HAUS6: variants seen among roughly 807,000 people sequenced by gnomAD.
HAUS6 encodes HAUS augmin-like complex subunit 6.
HAUS6 carries 80 observed loss-of-function variants against 106.8 expected under a neutral mutation model. That is an observed-to-expected ratio of 0.75 (90% CI 0.63 to 0.90). HAUS6 has a LOEUF of 0.90. Among genes scored for constraint, HAUS6 ranks in the 40% least tolerant of loss-of-function variants. The pLI, the probability that HAUS6 is intolerant of heterozygous loss-of-function variation, is 0.00. For synonymous variants in HAUS6, 356 were observed against 379.1 expected (o/e 0.94, Z 0.71); for missense variants, 1,155 against 1,118.1 (o/e 1.03, Z -0.47).
chr9:19,080,005 T>C (rs1177015616), intron 9 of HAUS6, among the ~76,000 whole-genome samples: 1 of 150,174 alleles, frequency 6.7e-6, no homozygotes, highest in Non-Finnish European at 1.5e-5. Flanking sequence ...AGAAAACCCA[T>C]CTCTACTAAA....
At chr9:19,082,822 A>G (rs750038920) in intron 8 of HAUS6, 51 bp downstream of exon 8, 27 of 906,752 alleles carry the variant, frequency 3.0e-5, no homozygotes, top group Non-Finnish European at 4.0e-5. Context: ...GAAAATATAC[A>G]ATTACATGAT....
chr9:19,087,199 ATTAATT>A (rs752428627), intron 5 of HAUS6, 43 bp from the exon 6 acceptor site: 16 of 1,009,138 alleles, frequency 1.6e-5, no homozygotes, highest in Non-Finnish European at 2.4e-5. Flanking sequence ...TACCATTACG[ATTAATT>A]AGTATAGCCC....
Position 19,096,720 on chromosome 9 carries a change from A to C in HAUS6, c.178T>G (p.Phe60Val). The C allele has an allele frequency of 3.2e-6, 5 of 1,567,776 alleles. No homozygotes were observed. Among genetic ancestry groups the C allele is most frequent in the Non-Finnish European group, 3.5e-6 (4 of 1,153,524 alleles). ...NRDAFHIISYFLFQVLDQSLT... is the reference protein window; with the variant it reads ...NRDAFHIISYVLFQVLDQSLT... ...GACTGGTCCAGAACTTGAAACAAAA[A>C]ATAAGAAATTATATGAAAGGCATCA... The change falls in exon 2 of 17, where the codon TTT becomes GTT. Residue 60 changes from phenylalanine to valine, a missense_variant. Around this residue, in one of 3 missense-constraint regions of HAUS6, gnomAD observed 761 missense variants for 690.0 expected, o/e 1.10. Coordinates refer to ENST00000380502, the MANE Select transcript of HAUS6 (RefSeq NM_017645.5).
chr9:19,093,513 A>G (rs898663139), intron 3 of HAUS6, among the ~76,000 whole-genome samples: 3 of 152,222 alleles, frequency 2.0e-5, no homozygotes, highest in Admixed American at 6.5e-5. Flanking sequence ...CAGAGTGCAA[A>G]GCAAAGTGGG....
intron 8 of HAUS6, 100 bp from the exon 9 acceptor site, chr9:19,080,772 AAAG>A (rs1476373402): frequency 2.8e-6 from 2 of 709,310 alleles, no homozygotes; most frequent in South Asian, 2.0e-5. Flanking sequence ...AGTTTACCTT[AAAG>A]AAGAGGGAAA....
intron 12 of HAUS6, 59 bp downstream of exon 12, chr9:19,070,160 A>AT (rs1836856154): frequency 3.0e-6 from 3 of 989,908 alleles, no homozygotes; most frequent in African/African-American, 1.6e-5. Flanking sequence ...TTCCATCTCT[A>AT]TTTTTTATAA....
At chr9:19,097,445 G>C (rs956680441) in intron 1 of HAUS6, among the ~76,000 whole-genome samples, 12 of 152,058 alleles carry the variant, frequency 7.9e-5, no homozygotes, top group African/African-American at 2.9e-4. Context: ...TGAAGGATAT[G>C]AACAGACACT....
chr9:19,083,669 G>A (rs1837215126), intron 7 of HAUS6, among the ~76,000 whole-genome samples: 1 of 151,832 alleles, frequency 6.6e-6, no homozygotes, highest in Admixed American at 6.6e-5. Flanking sequence ...AGGCGTGGTG[G>A]CAGGTGCCTG....
In HAUS6 at chr9:19,102,824, G is replaced by A. The variant is rs749938357; in HGVS notation, c.-173C>T. ...CGCCTCAAAGGGCCTCACAACCTCCGGGAAATTGAGTTTCTAACGGTATAG... is the reference window on the plus strand; with the variant it reads ...CGCCTCAAAGGGCCTCACAACCTCCAGGAAATTGAGTTTCTAACGGTATAG... On this transcript the variant is annotated 5_prime_UTR_variant, in exon 1 of 17. Coordinates refer to ENST00000380502, the MANE Select transcript of HAUS6 (RefSeq NM_017645.5). 92 of 594,382 alleles carry A rather than the reference G, an allele frequency of 1.5e-4. No individual in the cohort carries two copies. The highest frequency in any genetic ancestry group is 2.3e-4 in the Non-Finnish European group (80 of 346,746). 36.8% of individuals were successfully genotyped at this position (594,382 alleles called of 1,614,324 possible).
intron 8 of HAUS6, among the ~76,000 whole-genome samples, chr9:19,081,183 C>CTTGCTACATTTT (rs1023916073): frequency 6.6e-6 from 1 of 151,998 alleles, no homozygotes; most frequent in Non-Finnish European, 1.5e-5. Context: ...AGTAACATGC[C>CTTGCTACATTTT]TTGCTACATT....
chr9:19,082,728 G>A (rs1001164727), intron 8 of HAUS6, 145 bp downstream of exon 8: 2 of 477,626 alleles, frequency 4.2e-6, no homozygotes, highest in Non-Finnish European at 7.3e-6. Context: ...TCCAGCCTGG[G>A]CAATAAGAGC....
chr9:19,094,699 G>A (rs945852978), intron 2 of HAUS6, among the ~76,000 whole-genome samples: 7 of 152,028 alleles, frequency 4.6e-5, no homozygotes, highest in Non-Finnish European at 8.8e-5. Flanking sequence ...GCTGAGGCAC[G>A]AGTATTGCTT....
chr9:19,064,719 C>T (rs1041250317), intron 12 of HAUS6, among the ~76,000 whole-genome samples: 10 of 152,168 alleles, frequency 6.6e-5, no homozygotes, highest in African/African-American at 2.4e-4. Context: ...AATTTTCAAA[C>T]TTTTTCAAAT....
intron 1 of HAUS6, among the ~76,000 whole-genome samples, chr9:19,097,618 G>A (rs1008685590): frequency 1.3e-5 from 2 of 152,276 alleles, no homozygotes; most frequent in African/African-American, 4.8e-5. Flanking sequence ...TGGAAAGGAT[G>A]TGGAGAAAGC....
At chr9:19,057,835 C>T in intron 16 of HAUS6, 126 bp downstream of exon 16, 3 of 608,902 alleles carry the variant, frequency 4.9e-6, no homozygotes, top group Non-Finnish European at 5.8e-6. Context: ...TTCCCCTCAT[C>T]CTAAATGAAG....
rs944995586 is a variant in HAUS6 at position 19,059,889 on chromosome 9, C to A, written c.1765+199G>T. The A allele has an allele frequency of 2.2e-5, 9 of 405,150 alleles. 1 individual carries two copies. The highest frequency in any genetic ancestry group is 8.2e-5 in the Admixed American group (2 of 24,256). The allele number at this position is 405,150 out of a possible 1,614,324, so 25.1% of individuals were successfully genotyped here. ...ATTGTACATTATCAAAATTTTATATCTCTGTATATTGAGTACACTGAAGGC... is the reference window on the plus strand; with the variant it reads ...ATTGTACATTATCAAAATTTTATATATCTGTATATTGAGTACACTGAAGGC... On this transcript the variant is annotated intron_variant, in intron 15 of 16. Coordinates refer to ENST00000380502, the MANE Select transcript of HAUS6 (RefSeq NM_017645.5).
At position 19,082,947 on chromosome 9, in the gene HAUS6, C is replaced by A. The variant is rs780117142; in HGVS notation, c.796G>T (p.Ala266Ser). The change falls in exon 8 of 17, where the codon GCT becomes TCT. Residue 266 changes from alanine (A) to serine (S), a missense_variant. Ala to Ser is a moderately conservative substitution (Grantham distance 99, BLOSUM62 1). Transcript: ENST00000380502. ...SSVLSLVNQY[A>S]LDGTNVAINI... ...ATAGCAACATTAGTTCCATCTAAAG[C>A]ATATTGGTTAACAAGACTAAGGACC... 2.3e-5 allele frequency: 36 copies of A among 1,552,966 alleles called. No homozygotes were observed. The highest frequency in any genetic ancestry group is 2.9e-5 in the Non-Finnish European group (33 of 1,135,142).
Position 19,102,417 on chromosome 9 carries a change from C to A in HAUS6, c.128+107G>T, listed in dbSNP as rs537689307. 38 of 1,245,250 alleles carry A rather than the reference C, an allele frequency of 3.1e-5. No individual in the cohort carries two copies. In the Middle Eastern group the frequency reaches 2.0e-3, roughly 65 times the overall value. The allele number at this position is 1,245,250 out of a possible 1,614,324, so 77.1% of individuals were successfully genotyped here. A position where few individuals can be genotyped will look rare whatever the true frequency, so the allele number is the denominator to read the frequency against. On this transcript the variant is annotated intron_variant, in intron 1 of 16. Coordinates refer to ENST00000380502, the MANE Select transcript of HAUS6 (RefSeq NM_017645.5). The stretch of plus-strand genomic sequence containing the variant: ...GGAGCCAATGCCTGGCACAGAGTAA[C>A]TGCTCAACCAATTCTGATTAATCAA...
At chr9:19,101,052 AATTT>A (rs1817976214) in intron 1 of HAUS6, among the ~76,000 whole-genome samples, 1 of 152,238 alleles carries the variant, frequency 6.6e-6, no homozygotes, top group African/African-American at 2.4e-5. Flanking sequence ...AGTTAAAAAT[AATTT>A]ATTGTGTATT....
Sources: gnomAD v4.1 joint callset for allele counts (sites outside exome capture counted in the v4.1 genomes callset) on GRCh38, gnomAD v4.1.1 for gene constraint, gnomAD v4.1.1 regional missense constraint, MANE v1.5 for transcripts, NCBI Gene and HGNC (gene_info 2026-07-23, HGNC 2026-07-21) for gene names.